The following KHSRP variants were observed in gnomAD, a reference collection of about 807,000 sequenced individuals.
The protein encoded by KHSRP is KH-type splicing regulatory protein, also known as far upstream element-binding protein 2.
In KHSRP, 13 loss-of-function variants were observed where a neutral mutation model predicts 94.9. The observed-to-expected ratio is 0.14, with a 90% CI of 0.09 to 0.22. The LOEUF is 0.22. Among genes scored for constraint, KHSRP ranks in the 10% least tolerant of loss-of-function variants. KHSRP has a pLI of 1.00. For synonymous variants in KHSRP, 495 were observed against 401.4 expected, an observed-to-expected ratio of 1.23 and a Z score of -2.79; for missense variants, 710 against 1,010.0, an observed-to-expected ratio of 0.70 and a Z score of 4.03.
At position 6,420,053 on chromosome 19, in the gene KHSRP, G is replaced by C; in HGVS notation, c.547+20C>G. ...CCCAACCCTGGCCCCCACTCTGGCA[G>C]GAACCTGACGCTCTTATACCTGGAG... On this transcript the variant is annotated intron_variant, in intron 6 of 18. Coordinates refer to ENST00000600480, the MANE Select transcript of KHSRP (RefSeq NM_001366299.1). The C allele has an allele frequency of 6.2e-7, 1 of 1,600,748 alleles. No homozygotes were observed. Among genetic ancestry groups the C allele is most frequent in the South Asian group, 1.1e-5 (1 of 90,684 alleles).
Position 6,414,894 on chromosome 19 carries a change from A to G in KHSRP, c.*130T>C. The G allele has an allele frequency of 3.6e-6, 5 of 1,372,842 alleles. No homozygotes were observed. The highest frequency in any genetic ancestry group is 4.7e-6 in the Non-Finnish European group (5 of 1,067,192). 85.0% of individuals were successfully genotyped at this position (1,372,842 alleles called of 1,614,324 possible). A position where few individuals can be genotyped will look rare whatever the true frequency, so the allele number is the denominator to read the frequency against. ...TCTCAGCGCTCCCCAGCATCACGAC[A>G]GCGGCACACAGGAACAAGCAGCCGG... On this transcript the variant is annotated 3_prime_UTR_variant, in exon 19 of 19. Coordinates refer to ENST00000600480, the MANE Select transcript of KHSRP (RefSeq NM_001366299.1).
At chr19:6,419,163 TG>T (rs1377325764) in intron 7 of KHSRP, 39 bp downstream of exon 7, 2 of 1,544,222 alleles carry the variant, frequency 1.3e-6, no homozygotes, top group South Asian at 1.2e-5. Flanking sequence ...GGCTTCTGCC[TG>T]CCCCCCACAT....
chr19:6,416,193 G>A (rs997669143), intron 15 of KHSRP, 105 bp downstream of exon 15: 4 of 917,398 alleles, frequency 4.4e-6, no homozygotes, highest in African/African-American at 1.7e-5. Flanking sequence ...GGCTGGATGA[G>A]GCCCCCCGCC....
In KHSRP at chr19:6,418,129, A is replaced by C. The variant is rs751800592; in HGVS notation, c.880-50T>G. 17 of 1,512,220 alleles carry C rather than the reference A, an allele frequency of 1.1e-5. No homozygotes were observed. Among genetic ancestry groups the C allele is most frequent in the African/African-American group, 4.2e-5 (3 of 71,782 alleles). 93.7% of individuals were successfully genotyped at this position (1,512,220 alleles called of 1,614,324 possible). A position where few individuals can be genotyped will look rare whatever the true frequency, so the allele number is the denominator to read the frequency against. ...CCATGGGTGAGCCCTGCTGCCCCAC[A>C]CCCCCCCACCTCCTCGGGGGTGCGG... On this transcript the variant is annotated intron_variant, in intron 9 of 18. Transcript: ENST00000600480. The surrounding 1 kb of genome is among the most constrained non-coding windows in gnomAD (Gnocchi z 4.3).
chr19:6,419,296 C>T (rs377044022), intron 6 of KHSRP, 36 bp from the exon 7 acceptor site: 4 of 1,533,204 alleles, frequency 2.6e-6, no homozygotes, highest in African/African-American at 1.4e-5. Flanking sequence ...CCCTCCCTGG[C>T]CCACAGGCAG....
chr19:6,417,185 T>TTACCCCTAAGATGCCACCCTACAGCAA, intron 11 of KHSRP, 98 bp from the exon 12 acceptor site: 1 of 909,764 alleles, frequency 1.1e-6, no homozygotes, highest in African/African-American at 1.7e-5. Context: ...CACGCCGGCC[T>TTACCCCTAAGATGCCACCCTACAGCAA]GAGATCTCAG....
chr19:6,420,043 C>A lies in KHSRP; in HGVS notation c.547+30G>T, dbSNP rs200915166. ...GTGCAAAGGGCCCAACCCTGGCCCC[C>A]ACTCTGGCAGGAACCTGACGCTCTT... On this transcript the variant is annotated intron_variant, in intron 6 of 18. Coordinates refer to ENST00000600480, the MANE Select transcript of KHSRP (RefSeq NM_001366299.1). The A allele has an allele frequency of 4.3e-4, 678 of 1,561,736 alleles. 3 individuals carry two copies. The African/African-American group carries it at 7.2e-3, about 17-fold the overall frequency.
At chr19:6,422,247 G>A (rs2092199530) in intron 2 of KHSRP, 93 bp downstream of exon 2, 4 of 784,490 alleles carry the variant, frequency 5.1e-6, no homozygotes, top group African/African-American at 1.7e-5. Flanking sequence ...AAACAACAGT[G>A]ACACCCACCC....
rs915301801 is a variant in KHSRP, at chr19:6,418,243, C to T, written c.880-164G>A. 6.6e-6 allele frequency among the ~76,000 whole-genome samples: 1 copy of T among 152,160 alleles called. No individual in the cohort carries two copies. The highest frequency in any genetic ancestry group is 1.9e-4 in the East Asian group (1 of 5,196). ...CTGCCACTTTAATGGGGAGGCACTA[C>T]CAGCAGCCCCGTTTCCAGATAAAAA... On this transcript the variant is annotated intron_variant, in intron 9 of 18. Coordinates refer to ENST00000600480, the MANE Select transcript of KHSRP (RefSeq NM_001366299.1). This position sits in a 1 kb window ranked among gnomAD's most constrained non-coding sequence, Gnocchi z 4.3.
At position 6,415,411 on chromosome 19, in the gene KHSRP, C is replaced by T. The variant is rs956206324; in HGVS notation, c.1935G>A (p.Thr645=). Residue 645 remains threonine (T), a synonymous_variant, in exon 18 of 19, where the codon ACG becomes ACA. Transcript: ENST00000600480. ...TCTTGTAGTACTCCTCCCAAGCCTTCGTGTAGTCCTGCTGTGGGGGTGCTC... is the reference window on the plus strand; with the variant it reads ...TCTTGTAGTACTCCTCCCAAGCCTTTGTGTAGTCCTGCTGTGGGGGTGCTC... ...QPGAPPQQDY[T]KAWEEYYKKQ... 18 of 1,592,158 alleles carry T rather than the reference C, an allele frequency of 1.1e-5. No homozygotes were observed. Among genetic ancestry groups the T allele is most frequent in the African/African-American group, 2.7e-5 (2 of 74,504 alleles).
intron 1 of KHSRP, among the ~76,000 whole-genome samples, chr19:6,423,693 T>G (rs145921216): frequency 6.6e-6 from 1 of 152,206 alleles, no homozygotes; most frequent in Non-Finnish European, 1.5e-5. Context: ...CCCGGAGGCA[T>G]TGGGACAGCC....
In KHSRP at chr19:6,413,513, G is replaced by A. The variant is rs541993293; in HGVS notation, c.*1511C>T. 3.1e-4 allele frequency: 103 copies of A among 336,530 alleles called. 2 individuals are homozygous for A. The highest frequency in any genetic ancestry group is 2.0e-3 in the South Asian group (97 of 47,550). 20.8% of individuals were successfully genotyped at this position (336,530 alleles called of 1,614,324 possible). The stretch of plus-strand genomic sequence containing the variant: ...TGGGAGGGGGGACGGGCGGGGCCGC[G>A]GGAGCTGAGCCAGGGCGGGAGGGAG... On this transcript the variant is annotated 3_prime_UTR_variant, in exon 19 of 19. Coordinates refer to ENST00000600480, the MANE Select transcript of KHSRP (RefSeq NM_001366299.1).
At chr19:6,419,878 TAA>T (rs1029998599) in intron 6 of KHSRP, among the ~76,000 whole-genome samples, 193 bp downstream of exon 6, 1 of 151,834 alleles carries the variant, frequency 6.6e-6, no homozygotes, top group Non-Finnish European at 1.5e-5. Context: ...CCACTGAAAA[TAA>T]AAAAAGTCAC....
intron 15 of KHSRP, 131 bp downstream of exon 15, chr19:6,416,167 G>A: frequency 1.4e-6 from 1 of 716,090 alleles, no homozygotes; most frequent in Non-Finnish European, 2.3e-6. Context: ...GCCTGTTGAT[G>A]GTATCCACAA....
intron 6 of KHSRP, among the ~76,000 whole-genome samples, chr19:6,419,858 C>T (rs904748221): frequency 1.3e-5 from 2 of 152,238 alleles, no homozygotes; most frequent in Non-Finnish European, 2.9e-5. Context: ...CCACCTCAGT[C>T]CATACCCACC....
In KHSRP at chr19:6,417,099, A is replaced by G; in HGVS notation, c.1082-12T>C. On this transcript the variant is annotated splice_polypyrimidine_tract_variant and intron_variant, in intron 11 of 18. Coordinates refer to ENST00000600480, the MANE Select transcript of KHSRP (RefSeq NM_001366299.1). ...CCCTGTCCCGTCATCTGAGGCCAGCACCGAGAGAGCAGAGACACAAGTTTA... is the reference window on the plus strand; with the variant it reads ...CCCTGTCCCGTCATCTGAGGCCAGCGCCGAGAGAGCAGAGACACAAGTTTA... 6.3e-7 allele frequency: 1 copy of G among 1,596,138 alleles called. No homozygotes were observed. The highest frequency in any genetic ancestry group is 1.1e-5 in the South Asian group (1 of 90,614).
intron 14 of KHSRP, 40 bp downstream of exon 14, chr19:6,416,450 G>A (rs766893050): frequency 1.2e-5 from 19 of 1,612,506 alleles, no homozygotes; most frequent in Admixed American, 3.3e-5. Flanking sequence ...GCTGGGATCC[G>A]GGCTGTGAGA....
chr19:6,418,966 C>A lies in KHSRP; in HGVS notation c.606-90G>T, dbSNP rs947200442. On this transcript the variant is annotated intron_variant, in intron 7 of 18. Coordinates refer to ENST00000600480, the MANE Select transcript of KHSRP (RefSeq NM_001366299.1). The surrounding 1 kb of genome is among the most constrained non-coding windows in gnomAD (Gnocchi z 4.3). ...CCCACCCAGCTCAAAGGGAAGGCGACCCCAGAGTGTGCAAGGATGACAGGG... is the reference window on the plus strand; with the variant it reads ...CCCACCCAGCTCAAAGGGAAGGCGAACCCAGAGTGTGCAAGGATGACAGGG... 3.4e-5 allele frequency: 46 copies of A among 1,343,180 alleles called. No individual in the cohort carries two copies. The highest frequency in any genetic ancestry group is 4.5e-5 in the Non-Finnish European group (45 of 1,009,130). The allele number at this position is 1,343,180 out of a possible 1,614,324, so 83.2% of individuals were successfully genotyped here.
intron 4 of KHSRP, 108 bp from the exon 5 acceptor site, chr19:6,420,579 G>A: frequency 1.0e-6 from 1 of 980,796 alleles, no homozygotes; most frequent in Non-Finnish European, 1.6e-6. Flanking sequence ...AGCAGAGTCT[G>A]ACCACACAGG....
Sources: gnomAD v4.1 joint callset for allele counts (sites outside exome capture counted in the v4.1 genomes callset) on GRCh38, gnomAD v4.1.1 for gene constraint, Gnocchi (gnomAD v3.1) non-coding constraint, MANE v1.5 for transcripts, NCBI Gene and HGNC (gene_info 2026-07-23, HGNC 2026-07-21) for gene names.